Variants in MYBPC2 observed in about 807,000 individuals in gnomAD.
MYBPC2 encodes myosin binding protein C2, also known as myosin-binding protein C, fast-type.
A neutral mutation model predicts 137.0 loss-of-function variants in MYBPC2; 122 were observed. The observed-to-expected ratio is 0.89, with a 90% confidence interval of 0.77 to 1.03. MYBPC2 has a LOEUF of 1.03. Among genes scored for constraint, MYBPC2 ranks in the 50% least tolerant of loss-of-function variants. MYBPC2 has a pLI of 0.00. For missense variants in MYBPC2, 1,500 were observed against 1,534.4 expected (o/e 0.98, Z 0.37); for synonymous variants, 626 against 612.3 (o/e 1.02, Z -0.33).
In MYBPC2 at chr19:50,443,699, C is replaced by G; in HGVS notation, c.1028-12C>G. The stretch of plus-strand genomic sequence containing the variant: ...CCTGAAACGACTGACCTCCTGTCCC[C>G]CTGCCCCACAGAACCTCCAGTCCTA... On this transcript the variant is annotated splice_polypyrimidine_tract_variant and intron_variant, in intron 10 of 27. Coordinates refer to ENST00000357701, the MANE Select transcript of MYBPC2 (RefSeq NM_004533.4). The G allele has an allele frequency of 6.2e-7, 1 of 1,612,676 alleles. No homozygotes were observed. The highest frequency in any genetic ancestry group is 8.5e-7 in the Non-Finnish European group (1 of 1,178,824).
chr19:50,443,165 G>GA lies in MYBPC2; in HGVS notation c.903-320dup, dbSNP rs200599969. Among the ~76,000 whole-genome samples the GA allele has an allele frequency of 4.1e-3, 623 of 151,350 alleles. 5 individuals are homozygous for GA. Among genetic ancestry groups the GA allele is most frequent in the African/African-American group, 0.014 (598 of 41,334 alleles). ...AAAATTAGAAGATACCAAGAAAAGA[G>GA]AAAAAAAAATTAGCTGGGTATGGTG... is the stretch of plus-strand genomic sequence containing the variant. On this transcript the variant is annotated intron_variant, in intron 9 of 27. Coordinates refer to ENST00000357701, the MANE Select transcript of MYBPC2 (RefSeq NM_004533.4).
chr19:50,455,910 TCTTTTAC>T (rs1305104052), intron 20 of MYBPC2, among the ~76,000 whole-genome samples: 2 of 152,204 alleles, frequency 1.3e-5, no homozygotes, highest in African/African-American at 4.8e-5. Context: ...TTATCTTTTA[TCTTTTAC>T]CTTTATGCCT....
At chr19:50,449,348 G>A (rs905615037) in intron 13 of MYBPC2, among the ~76,000 whole-genome samples, 10 of 152,194 alleles carry the variant, frequency 6.6e-5, no homozygotes, top group African/African-American at 1.9e-4. Context: ...ACAGCTGGGC[G>A]CCCAGCACGC....
rs767846474 is a variant in MYBPC2, at chr19:50,455,249, T to TA, written c.2157dup (p.Gly720ArgfsTer20). 2 of 1,613,944 alleles carry TA rather than the reference T, an allele frequency of 1.2e-6. No individual in the cohort carries two copies. Among genetic ancestry groups the TA allele is most frequent in the South Asian group, 2.2e-5 (2 of 91,068 alleles). On this transcript the variant is annotated frameshift_variant, in exon 19 of 28. Coordinates refer to ENST00000357701, the MANE Select transcript of MYBPC2 (RefSeq NM_004533.4). LOFTEE classifies it high-confidence loss of function. ...ATGCGTGTCTTCGCCGTCAATGCTA[T>TA]AGGGGTCTCCCAGCCCAGCATGAAC...
rs1358503876 is a variant in MYBPC2 at position 50,442,327 on chromosome 19, G to A, written c.902+14G>A. On this transcript the variant is annotated intron_variant, in intron 9 of 27. Transcript: ENST00000357701. ...ACCAAGCAGCAAGTATGTGTGGGGT[G>A]GGCAGTCCCTGCACCGGGGAGATCC... 1 of 1,606,716 alleles carries A rather than the reference G, an allele frequency of 6.2e-7. No homozygotes were observed.
intron 16 of MYBPC2, among the ~76,000 whole-genome samples, chr19:50,453,461 T>G (rs1449104889): frequency 6.6e-6 from 1 of 152,172 alleles, no homozygotes; most frequent in African/African-American, 2.4e-5. Context: ...TAGTGTTGCA[T>G]GCACAGGGAC....
At chr19:50,453,327 A>G (rs1034163244) in intron 16 of MYBPC2, among the ~76,000 whole-genome samples, 11 of 152,108 alleles carry the variant, frequency 7.2e-5, no homozygotes, top group African/African-American at 2.4e-4. Flanking sequence ...TGGCTGAGAT[A>G]AAGGGAGGTT....
chr19:50,436,047 AAGGAGCTCCCAG>A lies in MYBPC2; in HGVS notation c.234_245del (p.Lys78_Asp82delinsAsn), dbSNP rs1164811072. ...AGTGGTCGTGGCCAAGGTGAACGGG[AAGGAGCTCCCAG>A]ACAAACCGACCATCAAGTGGTTCAA... is the stretch of plus-strand genomic sequence containing the variant. On this transcript the variant is annotated inframe_deletion, in exon 4 of 28. Coordinates refer to ENST00000357701, the MANE Select transcript of MYBPC2 (RefSeq NM_004533.4). The A allele has an allele frequency of 6.3e-7, 1 of 1,584,896 alleles. No individual in the cohort carries two copies. Among genetic ancestry groups the A allele is most frequent in the Middle Eastern group, 1.7e-4 (1 of 6,034 alleles).
At chr19:50,463,225 C>T (rs539743764) in intron 26 of MYBPC2, among the ~76,000 whole-genome samples, 4 of 152,172 alleles carry the variant, frequency 2.6e-5, no homozygotes, top group Admixed American at 6.5e-5. Context: ...AATAAATGTG[C>T]GTGGCTCGCG....
chr19:50,455,017 G>T (rs2039895158), intron 18 of MYBPC2, 91 bp from the exon 19 acceptor site: 15 of 1,276,360 alleles, frequency 1.2e-5, no homozygotes, highest in Non-Finnish European at 1.6e-5. Flanking sequence ...CCCTGGCCAT[G>T]CGATCCTCTG....
Position 50,460,050 on chromosome 19 carries a change from G to A in MYBPC2, c.2802G>A (p.Gly934=), listed in dbSNP as rs778589634. 1.4e-5 allele frequency: 22 copies of A among 1,553,320 alleles called. No homozygotes were observed. In the South Asian group the frequency reaches 2.6e-4, roughly 18 times the overall value. The part of the protein sequence containing the change: ...TIRIRVVEKA[G]PPINVMVKEV... The stretch of plus-strand genomic sequence containing the variant: ...CTTCCCCATTTCCAGAAAAGGCTGG[G>A]CCCCCCATAAACGTGATGGTGAAGG... The change falls in exon 24 of 28, where the codon GGG becomes GGA. Residue 934 remains glycine (G), a synonymous_variant. Coordinates refer to ENST00000357701, the MANE Select transcript of MYBPC2 (RefSeq NM_004533.4).
At chr19:50,458,881 C>T (rs1467534344) in intron 21 of MYBPC2, 37 bp from the exon 22 acceptor site, 30 of 1,597,666 alleles carry the variant, frequency 1.9e-5, no homozygotes, top group Non-Finnish European at 2.4e-5. Flanking sequence ...GCGCCCCGGC[C>T]CCCCGCTGAG....
intron 13 of MYBPC2, among the ~76,000 whole-genome samples, 188 bp downstream of exon 13, chr19:50,448,578 C>T (rs1307072339): frequency 1.3e-5 from 2 of 152,066 alleles, no homozygotes; most frequent in African/African-American, 4.8e-5. Context: ...AAGCGATTCT[C>T]CTGCCTCAGC....
chr19:50,459,012 G>C lies in MYBPC2; in HGVS notation c.2595+6G>C. The C allele has an allele frequency of 6.2e-7, 1 of 1,607,456 alleles. No homozygotes were observed. The highest frequency in any genetic ancestry group is 8.5e-7 in the Non-Finnish European group (1 of 1,177,514). ...ACCTTGTCGTCCCCTTCCAGGTCAG[G>C]GGAGCGGGGTCACGGGCCGGGGGTC... On this transcript the variant is annotated splice_donor_region_variant and intron_variant, in intron 22 of 27. Coordinates refer to ENST00000357701, the MANE Select transcript of MYBPC2 (RefSeq NM_004533.4).
chr19:50,455,039 C>A, intron 18 of MYBPC2, 69 bp from the exon 19 acceptor site: 1 of 1,441,146 alleles, frequency 6.9e-7, no homozygotes, highest in Non-Finnish European at 9.3e-7. Flanking sequence ...ATGTGGCCCT[C>A]ACTCCCCCAG....
rs981643085 is a variant in MYBPC2 at position 50,463,902 on chromosome 19, G to A, written c.3229-444G>A. The stretch of plus-strand genomic sequence containing the variant: ...TACAGTGAGCCAAGATCACGCCACT[G>A]CACTCCAGCCTGGGAGACAAAGCGA... On this transcript the variant is annotated intron_variant, in intron 26 of 27. Coordinates refer to ENST00000357701, the MANE Select transcript of MYBPC2 (RefSeq NM_004533.4). Among the ~76,000 whole-genome samples, 7 of 149,518 alleles carry A rather than the reference G, an allele frequency of 4.7e-5. No homozygotes were observed. In the Admixed American group the frequency reaches 4.7e-4, roughly 10 times the overall value.
chr19:50,436,215 C>A, intron 4 of MYBPC2, 55 bp downstream of exon 4: 1 of 1,538,076 alleles, frequency 6.5e-7, no homozygotes, highest in Non-Finnish European at 8.8e-7. Flanking sequence ...TTGTGCAGGA[C>A]ATGCTCCTCA....
chr19:50,464,391 C>T lies in MYBPC2; in HGVS notation c.3274C>T (p.Pro1092Ser), dbSNP rs527467631. ...GAACAAGATGGAAATCCGTGAAGAT[C>T]CCAAGTTCCTGATAACCAATTACCA... ...MKNKMEIRED[P>S]KFLITNYQGV... is the part of the protein sequence containing the mutation. The change falls in exon 27 of 28, where the codon CCC becomes TCC. Residue 1092 changes from proline (P) to serine (S), a missense_variant. Physicochemically the swap from Pro to Ser is moderately conservative, Grantham distance 74. Transcript: ENST00000357701. 3.1e-6 allele frequency: 5 copies of T among 1,611,076 alleles called. 1 individual carries two copies. In the South Asian group the frequency reaches 5.5e-5, roughly 18 times the overall value.
intron 7 of MYBPC2, among the ~76,000 whole-genome samples, chr19:50,438,579 T>C (rs1874476401): frequency 6.6e-6 from 1 of 152,116 alleles, no homozygotes; most frequent in Non-Finnish European, 1.5e-5. Flanking sequence ...TAAAAAATGA[T>C]TGAAGTCTGG....
Sources: gnomAD v4.1 joint callset for allele counts (sites outside exome capture counted in the v4.1 genomes callset) on GRCh38, gnomAD v4.1.1 for gene constraint, MANE v1.5 for transcripts, NCBI Gene and HGNC (gene_info 2026-07-23, HGNC 2026-07-21) for gene names.